Variants in AK9 observed in about 807,000 individuals in gnomAD.
AK9 encodes adenylate kinase domain containing 1.
AK9 carries 191 observed loss-of-function variants against 239.6 expected under a neutral mutation model. The ratio of observed to expected loss-of-function variants is 0.80; its 90% CI spans 0.71 to 0.90. AK9 has a LOEUF of 0.90. Ranked by LOEUF, AK9 falls within the 40% of genes least tolerant of loss-of-function variation. The pLI, the probability that AK9 is intolerant of heterozygous loss-of-function variation, is 0.00. For missense variants in AK9, 1,995 were observed against 2,214.7 expected (o/e 0.90, Z 1.99); for synonymous variants, 689 against 721.0 (o/e 0.96, Z 0.71).
intron 1 of AK9, among the ~76,000 whole-genome samples, chr6:109,684,829 C>G (rs1436428211): frequency 2.1e-4 from 27 of 126,094 alleles, no homozygotes; most frequent in Non-Finnish European, 3.5e-4. Context: ...AGCCGAGATC[C>G]CGCCACTGCA....
intron 8 of AK9, among the ~76,000 whole-genome samples, chr6:109,645,785 A>G (rs1241082542): frequency 6.6e-6 from 1 of 152,202 alleles, no homozygotes; most frequent in Non-Finnish European, 1.5e-5. Context: ...TGAGTAGCCT[A>G]ACTTGGAGAC....
intron 20 of AK9, among the ~76,000 whole-genome samples, chr6:109,574,675 T>G (rs115448741): frequency 6.6e-6 from 1 of 152,210 alleles, no homozygotes; most frequent in African/African-American, 2.4e-5. Flanking sequence ...GGTTAAGAAC[T>G]CCAGTCTTTT....
chr6:109,654,475 G>C (rs1467647958), intron 8 of AK9, among the ~76,000 whole-genome samples: 1 of 152,022 alleles, frequency 6.6e-6, no homozygotes, highest in Non-Finnish European at 1.5e-5. Flanking sequence ...GGGATTACAG[G>C]TGTGCACCAC....
At position 109,644,658 on chromosome 6, in the gene AK9, G is replaced by C; in HGVS notation, c.790C>G (p.Leu264Val). Reference protein sequence around the residue: ...EVMAEHNPQYLIELNGNKPAE... With the variant: ...EVMAEHNPQYVIELNGNKPAE... ...GGTTTATTTCCATTTAGCTCAATGAGATACTGGGGATTGTGTTCAGCCATT... is the reference window on the plus strand; with the variant it reads ...GGTTTATTTCCATTTAGCTCAATGACATACTGGGGATTGTGTTCAGCCATT... Residue 264 changes from leucine to valine, a missense_variant, in exon 9 of 41, where the codon CTC becomes GTC. Coordinates refer to ENST00000424296, the MANE Select transcript of AK9 (RefSeq NM_001145128.3). 6.2e-7 allele frequency: 1 copy of C among 1,612,884 alleles called. No individual in the cohort carries two copies. Among genetic ancestry groups the C allele is most frequent in the Non-Finnish European group, 8.5e-7 (1 of 1,179,868 alleles).
chr6:109,648,588 C>G (rs4947002), intron 8 of AK9, among the ~76,000 whole-genome samples: 108,363 of 152,062 alleles, frequency 0.71, 39,095 homozygotes, highest in East Asian at 0.99. Flanking sequence ...CTGAAATTGA[C>G]GCAATAATCA....
intron 1 of AK9, among the ~76,000 whole-genome samples, chr6:109,687,170 G>A (rs1308591600): frequency 1.3e-5 from 2 of 152,206 alleles, no homozygotes; most frequent in Non-Finnish European, 1.5e-5. Flanking sequence ...GGCAGGCAGA[G>A]CTTTAAGCAG....
In AK9 at chr6:109,596,080, CTGA is replaced by C. The variant is rs142129734; in HGVS notation, c.1843-10011_1843-10009del. On this transcript the variant is annotated intron_variant, in intron 17 of 40. Coordinates refer to ENST00000424296, the MANE Select transcript of AK9 (RefSeq NM_001145128.3). ...TCTATTGGGTATTGCAGTTCAACCTCTGAGCCAACAGGTGGCACTTGCAGATAA... is the reference window on the plus strand; with the variant it reads ...TCTATTGGGTATTGCAGTTCAACCTCGCCAACAGGTGGCACTTGCAGATAA... Among the ~76,000 whole-genome samples, 1,251 of 152,210 alleles carry C rather than the reference CTGA, an allele frequency of 8.2e-3. 22 individuals are homozygous for C. Among genetic ancestry groups the C allele is most frequent in the African/African-American group, 0.029 (1,193 of 41,538 alleles).
intron 24 of AK9, among the ~76,000 whole-genome samples, chr6:109,552,674 G>A (rs146045026): frequency 0.029 from 4,379 of 152,236 alleles, 100 homozygotes; most frequent in East Asian, 0.11. Flanking sequence ...TCTGATGATA[G>A]TTTCTTTTGC....
At position 109,499,207 on chromosome 6, in the gene AK9, G is replaced by T. The variant is rs747084425; in HGVS notation, c.4883C>A (p.Thr1628Lys). ...KAACIDKLCI[T>K]PQELLSRLGE... The stretch of plus-strand genomic sequence containing the variant: ...CAGGCGAGAAAGCAGCTCTTGAGGT[G>T]TGATACATAACTTGTCAATGCAGGC... The change falls in exon 36 of 41, where the codon ACA becomes AAA. Residue 1628 changes from threonine to lysine, a missense_variant. This residue lies in a region of AK9 where 391 missense variants were observed against 456.0 expected (regional missense o/e 0.86). Transcript: ENST00000424296. 1 of 1,584,808 alleles carries T rather than the reference G, an allele frequency of 6.3e-7. No homozygotes were observed.
chr6:109,670,574 A>C (rs1770705832), intron 5 of AK9, among the ~76,000 whole-genome samples: 2 of 152,180 alleles, frequency 1.3e-5, no homozygotes, highest in African/African-American at 4.8e-5. Context: ...CATGAGAGGC[A>C]CAACTGAGTT....
At chr6:109,543,536 C>T (rs1783153583) in intron 26 of AK9, among the ~76,000 whole-genome samples, 1 of 152,072 alleles carries the variant, frequency 6.6e-6, no homozygotes, top group Non-Finnish European at 1.5e-5. Flanking sequence ...CAACCTCCGC[C>T]TCCTGGGTTC....
Position 109,516,496 on chromosome 6 carries a change from A to C in AK9, c.3780T>G (p.Ile1260Met). Residue 1260 changes from isoleucine to methionine, a missense_variant, in exon 30 of 41, where the codon ATT (isoleucine) becomes ATG (methionine). By Grantham distance (10) the Ile-to-Met change is conservative (BLOSUM62 1). Around this residue, in one of 5 missense-constraint regions of AK9, gnomAD observed 1,290 missense variants for 1,392.7 expected, o/e 0.93. Coordinates refer to ENST00000424296, the MANE Select transcript of AK9 (RefSeq NM_001145128.3). ...CTCCTAGTTCACCTCTCAGGCGCTC[A>C]ATTGCATCAGTTTCCTGTTCTTCAT... is the stretch of plus-strand genomic sequence containing the variant. ...EEDEEQETDAIERLRGELGEK... is the reference protein window; with the variant it reads ...EEDEEQETDAMERLRGELGEK... 1 of 1,551,732 alleles carries C rather than the reference A, an allele frequency of 6.4e-7. No individual in the cohort carries two copies.
At chr6:109,616,312 C>T (rs1794186217) in intron 13 of AK9, among the ~76,000 whole-genome samples, 1 of 152,092 alleles carries the variant, frequency 6.6e-6, no homozygotes, top group African/African-American at 2.4e-5. Flanking sequence ...ATTAGTATAA[C>T]TGATCAAATC....
At chr6:109,617,082 G>T (rs1794271154) in intron 13 of AK9, among the ~76,000 whole-genome samples, 1 of 151,982 alleles carries the variant, frequency 6.6e-6, no homozygotes, top group Non-Finnish European at 1.5e-5. Context: ...CTGGAAATAA[G>T]CTTATTAAGA....
intron 13 of AK9, among the ~76,000 whole-genome samples, chr6:109,615,689 C>T (rs1212768650): frequency 6.6e-6 from 1 of 151,998 alleles, no homozygotes; most frequent in Non-Finnish European, 1.5e-5. Flanking sequence ...AGAAGAGAGG[C>T]AGATTTATTA....
In AK9 at chr6:109,653,922, A is replaced by G. The variant is rs560277298; in HGVS notation, c.759+2834T>C. Among the ~76,000 whole-genome samples the G allele has an allele frequency of 1.6e-4, 24 of 152,294 alleles. No individual in the cohort carries two copies. In the South Asian group the frequency reaches 4.3e-3, roughly 28 times the overall value. On this transcript the variant is annotated intron_variant, in intron 8 of 40. Transcript: ENST00000424296. The stretch of plus-strand genomic sequence containing the variant: ...GTTTTTATTTTTAATACAAAATCCA[A>G]TATCTACTGGATTTTATTTGTGTAC...
chr6:109,660,757 T>A (rs1800314172), intron 6 of AK9, among the ~76,000 whole-genome samples: 1 of 152,176 alleles, frequency 6.6e-6, no homozygotes, highest in African/African-American at 2.4e-5. Flanking sequence ...GTGCTCAGTG[T>A]CACCTGGAGG....
At position 109,546,036 on chromosome 6, in the gene AK9, T is replaced by G; in HGVS notation, c.3056A>C (p.His1019Pro). The G allele has an allele frequency of 1.2e-6, 2 of 1,613,808 alleles. No homozygotes were observed. The highest frequency in any genetic ancestry group is 1.7e-6 in the Non-Finnish European group (2 of 1,179,846). ...RQLAEKLNIF[H>P]IQFEEVLQEK... ...TTGAAGAACTTCTTCAAACTGAATGTGAAAAATGTTTAATTTTTCTGCCAA... is the reference window on the plus strand; with the variant it reads ...TTGAAGAACTTCTTCAAACTGAATGGGAAAAATGTTTAATTTTTCTGCCAA... Residue 1019 changes from histidine (H) to proline (P), a missense_variant, in exon 26 of 41, where the codon CAC (histidine) becomes CCC (proline). By Grantham distance (77) the His-to-Pro change is moderately conservative (BLOSUM62 -2). This residue lies in a region of AK9 where 1,290 missense variants were observed against 1,392.7 expected (regional missense o/e 0.93). Transcript: ENST00000424296.
chr6:109,639,527 C>A (rs1797136974), intron 10 of AK9, among the ~76,000 whole-genome samples: 1 of 152,076 alleles, frequency 6.6e-6, no homozygotes, highest in South Asian at 2.1e-4. Context: ...TGTTTAAGTT[C>A]TTTGTAGATT....
Sources: allele counts gnomAD v4.1 joint callset (sites outside exome capture counted in the v4.1 genomes callset), GRCh38; gene constraint gnomAD v4.1.1; regional missense constraint gnomAD v4.1.1; transcripts MANE v1.5; gene names NCBI Gene and HGNC (gene_info 2026-07-23, HGNC 2026-07-21).